The following MYH10 variants were observed in gnomAD, a reference collection of about 807,000 sequenced individuals.
MYH10 encodes the protein myosin-10.
In MYH10, 55 loss-of-function variants were observed where a neutral mutation model predicts 257.8. The observed-to-expected ratio is 0.21, with a 90% CI of 0.17 to 0.27. The LOEUF (loss-of-function observed/expected upper bound fraction) is 0.27. Among genes scored for constraint, MYH10 ranks in the 10% least tolerant of loss-of-function variants. The pLI, the probability that MYH10 is intolerant of heterozygous loss-of-function variation, is 1.00. For synonymous variants in MYH10, 854 were observed against 921.7 expected, an observed-to-expected ratio of 0.93 and a Z score of 1.33; for missense variants, 1,631 against 2,500.6, an observed-to-expected ratio of 0.65 and a Z score of 7.42.
chr17:8,525,165 G>C (rs2081800620), intron 17 of MYH10, among the ~76,000 whole-genome samples: 1 of 152,144 alleles, frequency 6.6e-6, no homozygotes, highest in Non-Finnish European at 1.5e-5. Context: ...CAGTCATCTT[G>C]GCAAATGCTT....
chr17:8,487,516 T>G lies in MYH10; in HGVS notation c.4963A>C (p.Ile1655Leu). Residue 1655 changes from isoleucine to leucine, a missense_variant, in exon 36 of 43, where the codon ATA (isoleucine) becomes CTA (leucine). Transcript: ENST00000360416. ...TGGGCTTCGAGGTCCTTCAGGTCTATCTCCATCTTTTTCTTTGAAGCTACA... is the reference window on the plus strand; with the variant it reads ...TGGGCTTCGAGGTCCTTCAGGTCTAGCTCCATCTTTTTCTTTGAAGCTACA... ...LAVASKKKME[I>L]DLKDLEAQIE... 1.2e-6 allele frequency: 2 copies of G among 1,614,184 alleles called. No homozygotes were observed. The highest frequency in any genetic ancestry group is 8.5e-7 in the Non-Finnish European group (1 of 1,180,036).
At chr17:8,580,624 T>G (rs2083669442) in intron 4 of MYH10, among the ~76,000 whole-genome samples, 1 of 152,180 alleles carries the variant, frequency 6.6e-6, no homozygotes. Flanking sequence ...TTTAATAATT[T>G]TTGTTCCTAT....
chr17:8,478,449 G>A lies in MYH10; in HGVS notation c.5598-3C>T. 1 of 1,613,760 alleles carries A rather than the reference G, an allele frequency of 6.2e-7. No individual in the cohort carries two copies. The highest frequency in any genetic ancestry group is 8.5e-7 in the Non-Finnish European group (1 of 1,179,682). On this transcript the variant is annotated splice_region_variant and splice_polypyrimidine_tract_variant and intron_variant, in intron 40 of 42. Coordinates refer to ENST00000360416, the MANE Select transcript of MYH10 (RefSeq NM_001256012.3). ...ATTTGTTGGCGGCTGCTCGTTCCCT[G>A]TGAAAGTGGTCACAGTAGTTTTGAA...
chr17:8,545,387 C>T lies in MYH10; in HGVS notation c.1431+61G>A. 6.3e-7 allele frequency: 1 copy of T among 1,581,522 alleles called. No homozygotes were observed. On this transcript the variant is annotated intron_variant, in intron 13 of 42. Transcript: ENST00000360416. This position sits in a 1 kb window ranked among gnomAD's most constrained non-coding sequence, Gnocchi z 4.7. ...ATGTACTGGGCACACAGTAAGCCTT[C>T]ATATTTGTTAAAAGAACAAACAAAA... is the stretch of plus-strand genomic sequence containing the variant.
chr17:8,582,754 C>T lies in MYH10; in HGVS notation c.531-5416G>A, dbSNP rs189977260. ...GAAGCAGTGATGCAGATCATTAATACGTGACCAATTCTGAGACCTTTGAAT... is the reference window on the plus strand; with the variant it reads ...GAAGCAGTGATGCAGATCATTAATATGTGACCAATTCTGAGACCTTTGAAT... On this transcript the variant is annotated intron_variant, in intron 4 of 42. Transcript: ENST00000360416. Among the ~76,000 whole-genome samples, 4 of 152,356 alleles carry T rather than the reference C, an allele frequency of 2.6e-5. No individual in the cohort carries two copies. The East Asian group carries it at 7.7e-4, about 29-fold the overall frequency.
intron 17 of MYH10, chr17:8,521,612 T>C (rs7221180): frequency 0.011 from 3,248 of 287,812 alleles, 88 homozygotes; most frequent in African/African-American, 0.057. Flanking sequence ...TGAAAACTCA[T>C]TGGCTGGCAT....
chr17:8,585,914 A>G (rs1297795782), intron 4 of MYH10, among the ~76,000 whole-genome samples: 2 of 152,218 alleles, frequency 1.3e-5, no homozygotes, highest in African/African-American at 4.8e-5. Context: ...ACTGATGTCT[A>G]TCTACAATTG....
chr17:8,502,005 A>G (rs1443960833), intron 28 of MYH10, among the ~76,000 whole-genome samples: 3 of 152,238 alleles, frequency 2.0e-5, no homozygotes, highest in Non-Finnish European at 4.4e-5. Context: ...GAAGCCAGTC[A>G]GGTAAACAGC....
chr17:8,546,107 G>A (rs1407926414), intron 12 of MYH10, among the ~76,000 whole-genome samples: 1 of 151,298 alleles, frequency 6.6e-6, no homozygotes, highest in East Asian at 1.9e-4. Flanking sequence ...TGCCTGGGCT[G>A]GAGTGCCGTG....
At chr17:8,532,564 T>A (rs891901739) in intron 16 of MYH10, among the ~76,000 whole-genome samples, 2 of 152,188 alleles carry the variant, frequency 1.3e-5, no homozygotes, top group Non-Finnish European at 2.9e-5. Context: ...CCCACCTCCA[T>A]CCTTGCCCAC....
chr17:8,595,425 CTT>C (rs10664342), intron 3 of MYH10, among the ~76,000 whole-genome samples: 6 of 84,186 alleles, frequency 7.1e-5, no homozygotes, highest in East Asian at 3.6e-4. Flanking sequence ...AAGAACAGTT[CTT>C]TTTTTTTTTT....
At position 8,545,577 on chromosome 17, in the gene MYH10, C is replaced by A; in HGVS notation, c.1302G>T (p.Leu434Phe). 6.2e-7 allele frequency: 1 copy of A among 1,613,308 alleles called. No individual in the cohort carries two copies. Among genetic ancestry groups the A allele is most frequent in the Non-Finnish European group, 8.5e-7 (1 of 1,179,778 alleles). The change falls in exon 13 of 43, where the codon TTG (leucine) becomes TTT (phenylalanine). Residue 434 changes from leucine (L) to phenylalanine (F), a missense_variant. Physicochemically the swap from Leu to Phe is conservative, Grantham distance 22. This residue lies in a region of MYH10 where 360 missense variants were observed against 581.9 expected (regional missense o/e 0.62). Coordinates refer to ENST00000360416, the MANE Select transcript of MYH10 (RefSeq NM_001256012.3). This position sits in a 1 kb window ranked among gnomAD's most constrained non-coding sequence, Gnocchi z 4.7. ...AGAGCCGCTCATAGGTAGCTTTTGC[C>A]AATGCTTCTACTGCAAAATCTGCCT... ...KEQADFAVEA[L>F]AKATYERLFR...
intron 14 of MYH10, among the ~76,000 whole-genome samples, chr17:8,539,995 A>AT (rs769145954): frequency 6.6e-6 from 1 of 152,030 alleles, no homozygotes; most frequent in Non-Finnish European, 1.5e-5. Context: ...TCACTTATTT[A>AT]TTTTTTTGTT....
intron 30 of MYH10, among the ~76,000 whole-genome samples, chr17:8,498,097 C>T (rs1567800733): frequency 1.3e-5 from 2 of 149,920 alleles, no homozygotes; most frequent in African/African-American, 2.4e-5. Context: ...ATTCTCCTGC[C>T]TCAGCCTCCT....
intron 4 of MYH10, among the ~76,000 whole-genome samples, 177 bp downstream of exon 4, chr17:8,588,900 ACAAC>A (rs1004132048): frequency 6.6e-6 from 1 of 152,250 alleles, no homozygotes; most frequent in Non-Finnish European, 1.5e-5. Flanking sequence ...GCCCAGACTG[ACAAC>A]CAACCATTAA....
In MYH10 at chr17:8,544,677, T is replaced by C. The variant is rs2082389109; in HGVS notation, c.1431+771A>G. Among the ~76,000 whole-genome samples the C allele has an allele frequency of 2.6e-5, 4 of 152,180 alleles. 1 individual carries two copies. On this transcript the variant is annotated intron_variant, in intron 13 of 42. Transcript: ENST00000360416. ...CAAAAAGCACTTAATATTTGTGCCG[T>C]ACTATATTTACATAGTTTACATCTA... is the stretch of plus-strand genomic sequence containing the variant.
intron 37 of MYH10, among the ~76,000 whole-genome samples, chr17:8,482,324 CCTCTGTCTG>C (rs1913965107): frequency 6.6e-6 from 1 of 152,342 alleles, no homozygotes; most frequent in South Asian, 2.1e-4. Flanking sequence ...CACGGGAGCT[CCTCTGTCTG>C]CTCCAGCACG....
intron 16 of MYH10, 106 bp from the exon 17 acceptor site, chr17:8,530,791 C>G (rs901207374): frequency 2.4e-6 from 2 of 821,050 alleles, no homozygotes; most frequent in Non-Finnish European, 3.8e-6. Context: ...AATCGGGCTA[C>G]AAAAGGAGCT....
intron 7 of MYH10, among the ~76,000 whole-genome samples, chr17:8,563,047 C>T (rs941860851): frequency 1.3e-5 from 2 of 152,048 alleles, no homozygotes; most frequent in Non-Finnish European, 2.9e-5. Flanking sequence ...ACATATTTTC[C>T]CCCTTCTTAA....
Sources: gnomAD v4.1 joint callset for allele counts (sites outside exome capture counted in the v4.1 genomes callset) on GRCh38, gnomAD v4.1.1 for gene constraint, gnomAD v4.1.1 regional missense constraint, Gnocchi (gnomAD v3.1) non-coding constraint, MANE v1.5 for transcripts, NCBI Gene and HGNC (gene_info 2026-07-23, HGNC 2026-07-21) for gene names.